FRY: variants seen among roughly 807,000 people sequenced by gnomAD.
FRY encodes FRY microtubule binding protein, also known as protein furry homolog.
A neutral mutation model predicts 348.4 loss-of-function variants in FRY; 128 were observed. The ratio of observed to expected loss-of-function variants is 0.37; its 90% CI spans 0.32 to 0.43. FRY has a LOEUF of 0.43. FRY is among the 20% of genes least tolerant of loss of function. FRY has a pLI of 1.00. For synonymous variants in FRY, 1,370 were observed against 1,374.7 expected, an observed-to-expected ratio of 1.00 and a Z score of 0.08; for missense variants, 2,736 against 3,695.2, an observed-to-expected ratio of 0.74 and a Z score of 6.73.
intron 2 of FRY, among the ~76,000 whole-genome samples, chr13:32,082,326 C>G (rs1045187517): frequency 2.0e-5 from 3 of 151,520 alleles, no homozygotes; most frequent in African/African-American, 7.3e-5. Flanking sequence ...GCTCTTTGTA[C>G]CCAAAAGATG....
intron 31 of FRY, among the ~76,000 whole-genome samples, chr13:32,207,915 A>T (rs1884447441): frequency 6.6e-6 from 1 of 152,208 alleles, no homozygotes; most frequent in South Asian, 2.1e-4. Context: ...AATTTCCCTG[A>T]GGATAAAATA....
intron 58 of FRY, among the ~76,000 whole-genome samples, chr13:32,286,286 CTG>C (rs1889047116): frequency 6.6e-6 from 1 of 152,162 alleles, no homozygotes; most frequent in Non-Finnish European, 1.5e-5. Flanking sequence ...GGATTAGAAA[CTG>C]TTAGGTCCTT....
At chr13:32,172,120 A>T (rs899506168) in intron 18 of FRY, among the ~76,000 whole-genome samples, 4 of 151,510 alleles carry the variant, frequency 2.6e-5, no homozygotes, top group African/African-American at 9.7e-5. Flanking sequence ...GATGTGATGG[A>T]TGTGGATGTA....
chr13:32,200,794 C>T (rs954161300), intron 29 of FRY, among the ~76,000 whole-genome samples: 1 of 152,170 alleles, frequency 6.6e-6, no homozygotes, highest in African/African-American at 2.4e-5. Context: ...GTTCCTCTCC[C>T]CCCATCCCAC....
rs140958581 is a variant in FRY at position 32,219,720 on chromosome 13, CTGCACTGT to C, written c.4765+890_4765+897del. ...CTTGCAGTGAGCCGAGATCGCGCCACTGCACTGTAGCCTGGGCGAAAACAAATGTTGGC... is the reference window on the plus strand; with the variant it reads ...CTTGCAGTGAGCCGAGATCGCGCCACAGCCTGGGCGAAAACAAATGTTGGC... On this transcript the variant is annotated intron_variant, in intron 36 of 60. Coordinates refer to ENST00000542859, the MANE Select transcript of FRY (RefSeq NM_023037.3). 2.8e-3 allele frequency among the ~76,000 whole-genome samples: 431 copies of C among 152,212 alleles called. 9 individuals carry two copies. The East Asian group carries it at 0.041, about 14-fold the overall frequency.
chr13:32,226,295 T>A (rs1447217492), intron 39 of FRY, among the ~76,000 whole-genome samples: 3 of 152,194 alleles, frequency 2.0e-5, no homozygotes, highest in Non-Finnish European at 4.4e-5. Context: ...CACCGAAGGA[T>A]GAGAACACAC....
intron 2 of FRY, among the ~76,000 whole-genome samples, chr13:32,083,488 A>C (rs1009277067): frequency 2.6e-5 from 4 of 151,818 alleles, no homozygotes; most frequent in African/African-American, 9.7e-5. Flanking sequence ...ATGTACTTTG[A>C]AATTTTTTGT....
chr13:32,289,780 C>A, intron 59 of FRY, 37 bp downstream of exon 59: 1 of 1,056,434 alleles, frequency 9.5e-7, no homozygotes, highest in Non-Finnish European at 1.5e-6. Context: ...CGTCCCACCA[C>A]AAAAACCATT....
intron 53 of FRY, 95 bp from the exon 54 acceptor site, chr13:32,265,355 C>G: frequency 1.7e-6 from 2 of 1,178,156 alleles, no homozygotes; most frequent in Non-Finnish European, 2.5e-6. Context: ...TCACCATCAG[C>G]ATTTCAGTCT....
Position 32,237,371 on chromosome 13 carries a change from A to G in FRY, c.5811-8A>G. ...CATCCTATTAAACTTATTTATTTTT[A>G]TACCCAGCTCTTCCTCACCAGATTT... On this transcript the variant is annotated splice_polypyrimidine_tract_variant and splice_region_variant and intron_variant, in intron 43 of 60. Transcript: ENST00000542859. The surrounding 1 kb of genome is among the most constrained non-coding windows in gnomAD (Gnocchi z 6.3). The G allele has an allele frequency of 6.2e-7, 1 of 1,613,670 alleles. No homozygotes were observed. Among genetic ancestry groups the G allele is most frequent in the Non-Finnish European group, 8.5e-7 (1 of 1,179,986 alleles).
At chr13:32,194,057 T>G in intron 28 of FRY, 86 bp from the exon 29 acceptor site, 1 of 1,318,480 alleles carries the variant, frequency 7.6e-7, no homozygotes, top group Non-Finnish European at 1.1e-6. Context: ...TTTACTCAGT[T>G]TATATTGACT....
At chr13:32,064,437 G>T (rs1464834542) in intron 1 of FRY, among the ~76,000 whole-genome samples, 1 of 150,664 alleles carries the variant, frequency 6.6e-6, no homozygotes, top group Admixed American at 6.6e-5. Flanking sequence ...AGCAGCCATT[G>T]TAGCACTTCT....
chr13:32,199,424 A>G (rs913978560), intron 29 of FRY, among the ~76,000 whole-genome samples: 2 of 152,236 alleles, frequency 1.3e-5, no homozygotes, highest in Non-Finnish European at 2.9e-5. Context: ...ATCATCAAGC[A>G]GTACAGACAG....
At chr13:32,108,770 A>G (rs1393088147) in intron 3 of FRY, among the ~76,000 whole-genome samples, 2 of 152,206 alleles carry the variant, frequency 1.3e-5, no homozygotes, top group Non-Finnish European at 2.9e-5. Flanking sequence ...ACAATTTTAA[A>G]ATAGCTCAAA....
At chr13:32,263,624 A>C (rs1370330123) in intron 53 of FRY, among the ~76,000 whole-genome samples, 2 of 152,218 alleles carry the variant, frequency 1.3e-5, no homozygotes, top group Non-Finnish European at 2.9e-5. Flanking sequence ...ATCACAAAAT[A>C]TATGTGCATT....
rs368370758 is a variant in FRY at position 32,274,653 on chromosome 13, G to A, written c.8137-189G>A. ...TGGGAGGGGGAGCTTGCAGTGAGCC[G>A]AGATCGCGCCACTGCACTCCAGCCT... On this transcript the variant is annotated intron_variant, in intron 55 of 60. Coordinates refer to ENST00000542859, the MANE Select transcript of FRY (RefSeq NM_023037.3). Among the ~76,000 whole-genome samples, 655 of 134,708 alleles carry A rather than the reference G, an allele frequency of 4.9e-3. 6 individuals are homozygous for A. The highest frequency in any genetic ancestry group is 0.012 in the African/African-American group (415 of 35,760). The allele number at this position is 134,708 out of a possible 152,430, so 88.4% of individuals were successfully genotyped here. A position where few individuals can be genotyped will look rare whatever the true frequency, so the allele number is the denominator to read the frequency against.
intron 3 of FRY, among the ~76,000 whole-genome samples, chr13:32,106,243 G>T (rs553483650): frequency 1.5e-4 from 23 of 150,172 alleles, no homozygotes; most frequent in African/African-American, 5.4e-4. Context: ...TTAATATAGA[G>T]ATGATAATAA....
At chr13:32,270,967 G>A (rs1566184458) in intron 55 of FRY, among the ~76,000 whole-genome samples, 2 of 152,166 alleles carry the variant, frequency 1.3e-5, no homozygotes, top group Admixed American at 6.5e-5. Context: ...TAGACCAGCG[G>A]GTTCATTACC....
intron 1 of FRY, among the ~76,000 whole-genome samples, chr13:32,068,232 A>AT (rs1297257369): frequency 6.6e-6 from 1 of 152,182 alleles, no homozygotes; most frequent in Non-Finnish European, 1.5e-5. Flanking sequence ...ATTTTGCGGC[A>AT]TAAAATGAGC....
Sources: gnomAD v4.1 joint callset for allele counts (sites outside exome capture counted in the v4.1 genomes callset) on GRCh38, gnomAD v4.1.1 for gene constraint, Gnocchi (gnomAD v3.1) non-coding constraint, MANE v1.5 for transcripts, NCBI Gene and HGNC (gene_info 2026-07-23, HGNC 2026-07-21) for gene names.